NEDD4: variants seen among roughly 807,000 people sequenced by gnomAD.
NEDD4 encodes the protein E3 ubiquitin-protein ligase NEDD4.
In NEDD4, 99 loss-of-function variants were observed where a neutral mutation model predicts 144.9. That is an observed-to-expected ratio of 0.68 (90% CI 0.58 to 0.81). NEDD4 has a LOEUF of 0.81. Ranked by LOEUF, NEDD4 falls within the 30% of genes least tolerant of loss-of-function variation. NEDD4 has a pLI of 0.00. For missense variants in NEDD4, 985 were observed against 1,065.9 expected (o/e 0.92, Z 1.06); for synonymous variants, 318 against 350.6 (o/e 0.91, Z 1.04).
chr15:55,869,862 T>TAAATAA (rs1555397236), intron 7 of NEDD4, among the ~76,000 whole-genome samples, 181 bp from the exon 8 acceptor site: 1 of 79,520 alleles, frequency 1.3e-5, no homozygotes, highest in Non-Finnish European at 3.0e-5. Flanking sequence ...GGCAAACATA[T>TAAATAA]ATAAATAAAT....
intron 5 of NEDD4, among the ~76,000 whole-genome samples, chr15:55,903,822 C>T (rs1188948137): frequency 1.2e-5 from 1 of 80,326 alleles, no homozygotes; most frequent in Non-Finnish European, 2.2e-5. Context: ...GAGACTCCAT[C>T]TCAAAAAAAA....
At chr15:55,968,642 C>T (rs781144844) in intron 1 of NEDD4, among the ~76,000 whole-genome samples, 6 of 152,142 alleles carry the variant, frequency 3.9e-5, no homozygotes, top group Non-Finnish European at 7.3e-5. Flanking sequence ...AAAAGATAAT[C>T]TCACCGGTCA....
At chr15:55,955,544 T>C (rs1330016033) in intron 2 of NEDD4, among the ~76,000 whole-genome samples, 6 of 152,164 alleles carry the variant, frequency 3.9e-5, no homozygotes, top group Admixed American at 3.9e-4. Context: ...ATTTTAGATA[T>C]ATAAATGTAA....
intron 5 of NEDD4, among the ~76,000 whole-genome samples, chr15:55,895,784 T>C (rs888223902): frequency 9.9e-5 from 15 of 152,210 alleles, no homozygotes; most frequent in Admixed American, 3.3e-4. Flanking sequence ...TGATTGTTAA[T>C]AGCTGAAGAT....
At chr15:55,924,575 C>T in intron 5 of NEDD4, 71 bp downstream of exon 5, 1 of 1,358,280 alleles carries the variant, frequency 7.4e-7, no homozygotes, top group South Asian at 1.3e-5. Flanking sequence ...AGACTGCTTA[C>T]CCACTTCCCC....
At chr15:55,900,249 C>T (rs531708732) in intron 5 of NEDD4, among the ~76,000 whole-genome samples, 3 of 152,138 alleles carry the variant, frequency 2.0e-5, no homozygotes, top group Non-Finnish European at 4.4e-5. Flanking sequence ...AAATACTGCT[C>T]CACAGGACTG....
chr15:55,903,855 T>C (rs1229137639), intron 5 of NEDD4, among the ~76,000 whole-genome samples: 8 of 135,304 alleles, frequency 5.9e-5, no homozygotes, highest in Admixed American at 7.8e-5. Context: ...CATATATATA[T>C]ATATATATAT....
intron 14 of NEDD4, among the ~76,000 whole-genome samples, chr15:55,849,564 G>A (rs1432823504): frequency 2.0e-5 from 3 of 152,018 alleles, no homozygotes; most frequent in African/African-American, 7.2e-5. Flanking sequence ...CCAGCTATCT[G>A]TTCAAGGGTC....
At chr15:55,881,945 A>G (rs545748287) in intron 5 of NEDD4, among the ~76,000 whole-genome samples, 18 of 152,276 alleles carry the variant, frequency 1.2e-4, no homozygotes, top group Admixed American at 3.9e-4. Context: ...CCCTCCAGTT[A>G]TAACAACCAA....
In NEDD4 at chr15:55,856,283, A is replaced by G. The variant is rs2034191887; in HGVS notation, c.961-87T>C. 5.2e-6 allele frequency: 6 copies of G among 1,150,358 alleles called. No homozygotes were observed. The East Asian group carries it at 7.4e-5, about 14-fold the overall frequency. 71.3% of individuals were successfully genotyped at this position (1,150,358 alleles called of 1,614,324 possible). ...AGCTAAGGTAGTGAGGGTAAATATGACAGGGCAGAAGAGAGAAGGCTGGCT... is the reference window on the plus strand; with the variant it reads ...AGCTAAGGTAGTGAGGGTAAATATGGCAGGGCAGAAGAGAGAAGGCTGGCT... On this transcript the variant is annotated intron_variant, in intron 11 of 28. Coordinates refer to ENST00000435532, the MANE Select transcript of NEDD4 (RefSeq NM_006154.4).
intron 18 of NEDD4, among the ~76,000 whole-genome samples, chr15:55,845,995 C>T (rs2033726223): frequency 6.6e-6 from 1 of 151,904 alleles, no homozygotes; most frequent in South Asian, 2.1e-4. Flanking sequence ...CCACGTTGGC[C>T]AGGCTGGTCG....
chr15:55,906,671 T>C (rs1257907948), intron 5 of NEDD4, among the ~76,000 whole-genome samples: 2 of 152,104 alleles, frequency 1.3e-5, no homozygotes, highest in Non-Finnish European at 1.5e-5. Flanking sequence ...TTAGGTGATA[T>C]ACTTAATGTA....
intron 7 of NEDD4, 53 bp downstream of exon 7, chr15:55,872,362 G>A: frequency 2.5e-6 from 2 of 785,602 alleles, no homozygotes; most frequent in Non-Finnish European, 3.9e-6. Flanking sequence ...ACTGTAAGGT[G>A]TAATGAAGAG....
chr15:55,889,659 TA>T (rs2035502491), intron 5 of NEDD4, among the ~76,000 whole-genome samples: 1 of 152,086 alleles, frequency 6.6e-6, no homozygotes, highest in Non-Finnish European at 1.5e-5. Context: ...CAGAATAGGG[TA>T]ACTTTAGTCA....
rs1466306193 is a variant in NEDD4 at position 55,832,856 on chromosome 15, C to A, written c.2527+152G>T. On this transcript the variant is annotated intron_variant, in intron 27 of 28. Transcript: ENST00000435532. ...AGGTGTAAATATATTTTAGCCTACT[C>A]CAGTGTCCCTAATGGTATCACTTTC... 7.3e-6 allele frequency: 4 copies of A among 548,360 alleles called. No individual in the cohort carries two copies. In the African/African-American group the frequency reaches 7.5e-5, roughly 10 times the overall value. The allele number at this position is 548,360 out of a possible 1,614,324, so 34.0% of individuals were successfully genotyped here.
intron 5 of NEDD4, among the ~76,000 whole-genome samples, chr15:55,900,365 G>A (rs2035875323): frequency 6.6e-6 from 1 of 152,192 alleles, no homozygotes; most frequent in South Asian, 2.1e-4. Context: ...AGCTAAGTCA[G>A]TGAAATTTGG....
intron 27 of NEDD4, among the ~76,000 whole-genome samples, chr15:55,832,661 C>T (rs2033010172): frequency 6.6e-6 from 1 of 152,158 alleles, no homozygotes; most frequent in South Asian, 2.1e-4. Flanking sequence ...AGTGATCTGC[C>T]TGCCTCGGCC....
intron 5 of NEDD4, among the ~76,000 whole-genome samples, chr15:55,894,535 C>T (rs940811231): frequency 1.3e-5 from 2 of 152,094 alleles, no homozygotes; most frequent in South Asian, 4.1e-4. Context: ...CCTTAGAAAC[C>T]CTCACATCTT....
chr15:55,908,925 A>G (rs1425568969), intron 5 of NEDD4, among the ~76,000 whole-genome samples: 1 of 152,168 alleles, frequency 6.6e-6, no homozygotes, highest in East Asian at 1.9e-4. Context: ...CCTGGATAAT[A>G]TTATTTTAGG....
Sources: allele counts gnomAD v4.1 joint callset (sites outside exome capture counted in the v4.1 genomes callset), GRCh38; gene constraint gnomAD v4.1.1; transcripts MANE v1.5; gene names NCBI Gene and HGNC (gene_info 2026-07-23, HGNC 2026-07-21).